The following TLN2 variants were observed in gnomAD, a reference collection of about 807,000 sequenced individuals.
TLN2 encodes the protein talin-2.
TLN2 carries 118 observed loss-of-function variants against 294.7 expected under a neutral mutation model. The ratio of observed to expected loss-of-function variants is 0.40; its 90% CI spans 0.34 to 0.47. The LOEUF (loss-of-function observed/expected upper bound fraction) is 0.47, where lower values mean the gene tolerates loss of function less well. TLN2 is among the 20% of genes least tolerant of loss of function. The pLI is 0.84. For missense variants in TLN2, 3,083 were observed against 3,282.2 expected, an observed-to-expected ratio of 0.94 and a Z score of 1.48; for synonymous variants, 1,431 against 1,304.5, an observed-to-expected ratio of 1.10 and a Z score of -2.09.
intron 1 of TLN2, among the ~76,000 whole-genome samples, chr15:62,391,956 C>T (rs1458354182): frequency 5.3e-5 from 8 of 152,226 alleles, no homozygotes; most frequent in Non-Finnish European, 1.0e-4. Context: ...CCGGGCTCGC[C>T]TGGGTGCTCC....
intron 1 of TLN2, among the ~76,000 whole-genome samples, chr15:62,545,096 A>ATT (rs57917415): frequency 2.8e-5 from 4 of 141,742 alleles, no homozygotes; most frequent in Admixed American, 7.1e-5. Flanking sequence ...CACCCAGCTG[A>ATT]TTTTTTTTTT....
At chr15:62,509,110 G>C (rs1341285920) in intron 1 of TLN2, among the ~76,000 whole-genome samples, 2 of 152,210 alleles carry the variant, frequency 1.3e-5, no homozygotes, top group Admixed American at 1.3e-4. Flanking sequence ...GCCAGGGGTT[G>C]GACCAAGATG....
chr15:62,797,444 G>C (rs776196854), intron 48 of TLN2, 42 bp downstream of exon 48: 2 of 1,538,772 alleles, frequency 1.3e-6, no homozygotes, highest in Admixed American at 4.2e-5. Flanking sequence ...CGGTCTTCCC[G>C]TGAACGCTGC....
intron 43 of TLN2, among the ~76,000 whole-genome samples, chr15:62,778,269 C>T (rs981178620): frequency 2.6e-5 from 4 of 152,198 alleles, no homozygotes; most frequent in Non-Finnish European, 5.9e-5. Flanking sequence ...CTGTGGGCTT[C>T]TCATGCTGCA....
intron 35 of TLN2, among the ~76,000 whole-genome samples, chr15:62,752,665 G>A (rs1421714289): frequency 6.6e-6 from 1 of 152,206 alleles, no homozygotes; most frequent in African/African-American, 2.4e-5. Context: ...CCAGCATATA[G>A]GTTCAGAGGC....
chr15:62,770,958 T>G lies in TLN2; in HGVS notation c.5197-6T>G, dbSNP rs1567568996. Reference sequence around the variant, plus strand: ...CATCTCTGGCTTTTTTTTTTTTTTTTGAAAGGTGACACAACTGGCAAGCTA... The same window carrying G: ...CATCTCTGGCTTTTTTTTTTTTTTTGGAAAGGTGACACAACTGGCAAGCTA... On this transcript the variant is annotated splice_region_variant and splice_polypyrimidine_tract_variant and intron_variant, in intron 41 of 58. Coordinates refer to ENST00000636159, the MANE Select transcript of TLN2 (RefSeq NM_015059.3). 6 of 1,566,576 alleles carry G rather than the reference T, an allele frequency of 3.8e-6. No individual in the cohort carries two copies. The highest frequency in any genetic ancestry group is 4.3e-6 in the Non-Finnish European group (5 of 1,163,380).
At chr15:62,612,623 C>A (rs2048004704) in intron 2 of TLN2, among the ~76,000 whole-genome samples, 1 of 152,054 alleles carries the variant, frequency 6.6e-6, no homozygotes, top group African/African-American at 2.4e-5. Context: ...GGATAATGAG[C>A]CTGCTTGTTC....
intron 1 of TLN2, among the ~76,000 whole-genome samples, chr15:62,543,627 C>T (rs1445841321): frequency 1.1e-4 from 17 of 151,880 alleles, no homozygotes; most frequent in Non-Finnish European, 1.8e-4. Context: ...TGGTGGTGTG[C>T]GCCTGTAGTC....
intron 1 of TLN2, among the ~76,000 whole-genome samples, chr15:62,461,350 T>A (rs1446291644): frequency 6.6e-6 from 1 of 152,234 alleles, no homozygotes; most frequent in Non-Finnish European, 1.5e-5. Context: ...CATCTTCGTG[T>A]GAGTTGTGGG....
At chr15:62,487,069 A>C (rs1268697963) in intron 1 of TLN2, among the ~76,000 whole-genome samples, 2 of 152,100 alleles carry the variant, frequency 1.3e-5, no homozygotes, top group Admixed American at 1.3e-4. Flanking sequence ...GTTGCCTTGG[A>C]GTTCCTAGGA....
chr15:62,510,639 TGG>T (rs2039879325), intron 1 of TLN2, among the ~76,000 whole-genome samples: 1 of 152,150 alleles, frequency 6.6e-6, no homozygotes, highest in Non-Finnish European at 1.5e-5. Context: ...AATTCATGCA[TGG>T]TGATGTTTTG....
At chr15:62,802,115 C>T (rs533986910) in intron 50 of TLN2, among the ~76,000 whole-genome samples, 5 of 152,104 alleles carry the variant, frequency 3.3e-5, no homozygotes, top group South Asian at 4.2e-4. Context: ...CTCCCACTTC[C>T]GTACTACCCT....
intron 1 of TLN2, among the ~76,000 whole-genome samples, chr15:62,468,677 G>A (rs1019576598): frequency 1.3e-5 from 2 of 151,202 alleles, no homozygotes; most frequent in East Asian, 4.0e-4. Context: ...CCCGGGAGGC[G>A]GAGCTTGCAG....
chr15:62,478,725 G>T (rs182091216), intron 1 of TLN2, among the ~76,000 whole-genome samples: 1 of 152,256 alleles, frequency 6.6e-6, no homozygotes, highest in Non-Finnish European at 1.5e-5. Flanking sequence ...CCACTCAGTG[G>T]GATTTCTATG....
chr15:62,745,982 C>T (rs996374146), intron 32 of TLN2, among the ~76,000 whole-genome samples: 1 of 152,102 alleles, frequency 6.6e-6, no homozygotes, highest in Non-Finnish European at 1.5e-5. Context: ...CAACCACAAA[C>T]CCTTAGTCTG....
In TLN2 at chr15:62,593,590, A is replaced by G. The variant is rs556153945; in HGVS notation, c.-162+3828A>G. On this transcript the variant is annotated intron_variant, in intron 2 of 58. Transcript: ENST00000636159. ...GAATTGATTGGATTTCATGGACTCG[A>G]TGACTCTAGAATACATTTATCTGCA... 7.0e-4 allele frequency among the ~76,000 whole-genome samples: 107 copies of G among 152,316 alleles called. 1 individual carries two copies. In the Middle Eastern group the frequency reaches 0.01, roughly 15 times the overall value.
At chr15:62,675,710 T>C (rs556227457) in intron 11 of TLN2, among the ~76,000 whole-genome samples, 3 of 152,340 alleles carry the variant, frequency 2.0e-5, no homozygotes, top group Admixed American at 2.0e-4. Flanking sequence ...ATGTGATAAA[T>C]GCGATGCTTA....
In TLN2 at chr15:62,792,800, C is replaced by T; in HGVS notation, c.5883+13C>T. 6.2e-7 allele frequency: 1 copy of T among 1,613,648 alleles called. No homozygotes were observed. Among genetic ancestry groups the T allele is most frequent in the Non-Finnish European group, 8.5e-7 (1 of 1,179,924 alleles). ...CGTCACGGAAAAGGTAAGGAGCAGCCCTCAGTTTAGAGTCACAAGAACCTG... is the reference window on the plus strand; with the variant it reads ...CGTCACGGAAAAGGTAAGGAGCAGCTCTCAGTTTAGAGTCACAAGAACCTG... On this transcript the variant is annotated intron_variant, in intron 46 of 58. Coordinates refer to ENST00000636159, the MANE Select transcript of TLN2 (RefSeq NM_015059.3).
chr15:62,631,270 G>A (rs1000099873), intron 3 of TLN2, among the ~76,000 whole-genome samples: 5 of 152,128 alleles, frequency 3.3e-5, no homozygotes, highest in African/African-American at 9.6e-5. Flanking sequence ...TCTTAATACT[G>A]TTGTATTGGG....
Sources: allele counts gnomAD v4.1 joint callset (sites outside exome capture counted in the v4.1 genomes callset), GRCh38; gene constraint gnomAD v4.1.1; transcripts MANE v1.5; gene names NCBI Gene and HGNC (gene_info 2026-07-23, HGNC 2026-07-21).